Variants in ZMYM5 observed in about 807,000 individuals in gnomAD.
ZMYM5 encodes zinc finger MYM-type protein 5.
In ZMYM5, 41 loss-of-function variants were observed where a neutral mutation model predicts 61.8. The observed-to-expected ratio is 0.66, with a 90% CI of 0.52 to 0.86. ZMYM5 has a LOEUF of 0.86. Ranked by LOEUF, ZMYM5 falls within the 40% of genes least tolerant of loss-of-function variation. The probability of loss-of-function intolerance (pLI) is 0.00; values close to 1 mark genes in which losing one functional copy is unlikely to be tolerated. For missense variants in ZMYM5, 706 were observed against 786.7 expected (o/e 0.90, Z 1.23); for synonymous variants, 257 against 276.4 (o/e 0.93, Z 0.70).
Position 19,837,344 on chromosome 13 carries a change from A to T in ZMYM5, c.1038+312T>A. On this transcript the variant is annotated intron_variant, in intron 6 of 7. Coordinates refer to ENST00000337963, the MANE Select transcript of ZMYM5 (RefSeq NM_001142684.2). ...CCAAGGGGTAGTTTTCCAGCCCTTG[A>T]CCCCCAACTCTTGAGACTACATTTT... The T allele has an allele frequency of 2.6e-6, 3 of 1,173,840 alleles. No homozygotes were observed. The South Asian group carries it at 5.3e-5, about 21-fold the overall frequency. 72.7% of individuals were successfully genotyped at this position (1,173,840 alleles called of 1,614,324 possible).
At chr13:19,860,476 T>A (rs1400650994) in intron 2 of ZMYM5, among the ~76,000 whole-genome samples, 1 of 141,492 alleles carries the variant, frequency 7.1e-6, no homozygotes, top group Admixed American at 6.9e-5. Flanking sequence ...GTGTGTATTT[T>A]TTTTTTTGTA....
intron 7 of ZMYM5, among the ~76,000 whole-genome samples, chr13:19,831,299 A>AT (rs11384397): frequency 0.64 from 97,179 of 151,150 alleles, 34,891 homozygotes; most frequent in East Asian, 0.89. Flanking sequence ...CTAATTTTTA[A>AT]TTTTTTGTAG....
chr13:19,861,361 C>A (rs928167912), intron 2 of ZMYM5, among the ~76,000 whole-genome samples: 5 of 152,056 alleles, frequency 3.3e-5, no homozygotes, highest in Admixed American at 1.3e-4. Context: ...GTTGTCCACA[C>A]TGGAACTCCT....
At chr13:19,834,158 A>G (rs1952605950) in intron 7 of ZMYM5, among the ~76,000 whole-genome samples, 2 of 152,240 alleles carry the variant, frequency 1.3e-5, no homozygotes, top group South Asian at 4.1e-4. Context: ...TTTTGTATTT[A>G]GTAGAGACGG....
At chr13:19,851,643 G>C in intron 3 of ZMYM5, 46 bp downstream of exon 3, 1 of 1,548,744 alleles carries the variant, frequency 6.5e-7, no homozygotes, top group East Asian at 2.2e-5. Context: ...ATGTATTTCA[G>C]AGTCAATTCT....
At chr13:19,839,669 C>A (rs1303458044) in intron 4 of ZMYM5, among the ~76,000 whole-genome samples, 1 of 152,196 alleles carries the variant, frequency 6.6e-6, no homozygotes, top group Non-Finnish European at 1.5e-5. Flanking sequence ...AGCCACCACT[C>A]CCAGCCTAAT....
intron 4 of ZMYM5, among the ~76,000 whole-genome samples, chr13:19,849,211 A>C (rs1310064785): frequency 6.6e-6 from 1 of 152,064 alleles, no homozygotes; most frequent in African/African-American, 2.4e-5. Context: ...TGTGACCCCA[A>C]ACTCCAGGTC....
At chr13:19,850,472 G>A (rs1042712280) in intron 4 of ZMYM5, among the ~76,000 whole-genome samples, 6 of 151,848 alleles carry the variant, frequency 4.0e-5, no homozygotes, top group Non-Finnish European at 7.4e-5. Flanking sequence ...GGAGACGGGC[G>A]TGCTTGTAAT....
intron 7 of ZMYM5, among the ~76,000 whole-genome samples, chr13:19,833,058 T>G (rs997638045): frequency 1.3e-5 from 2 of 152,124 alleles, no homozygotes; most frequent in Non-Finnish European, 2.9e-5. Context: ...ATGTTCATTG[T>G]GTTCTTCTAT....
rs1476048613 is a variant in ZMYM5 at position 19,837,677 on chromosome 13, T to G, written c.1017A>C (p.Thr339=). Residue 339 remains threonine, a synonymous_variant, in exon 6 of 8, where the codon ACA becomes ACC. Transcript: ENST00000337963. ...KKGVFNKSRC[T]ICSKLAEIRH... is the part of the protein sequence containing the mutation. ...AGACCTCTGCTAATTTACTACAAAT[T>G]GTACATCTTGACTTATTAAAAACTC... is the stretch of plus-strand genomic sequence containing the variant. The G allele has an allele frequency of 6.9e-6, 11 of 1,585,296 alleles. No homozygotes were observed. Among genetic ancestry groups the G allele is most frequent in the Non-Finnish European group, 8.5e-6 (10 of 1,172,846 alleles).
rs781205576 is a variant in ZMYM5 at position 19,851,437 on chromosome 13, T to C, written c.504A>G (p.Gly168=). 4 of 1,614,124 alleles carry C rather than the reference T, an allele frequency of 2.5e-6. No individual in the cohort carries two copies. The Admixed American group carries it at 5.0e-5, about 20-fold the overall frequency. The change falls in exon 4 of 8, where the codon GGA becomes GGG. Residue 168 remains glycine (G), a synonymous_variant. Coordinates refer to ENST00000337963, the MANE Select transcript of ZMYM5 (RefSeq NM_001142684.2). ...TTCTACCAGGGTTAAAAGGTCTTAC[T>C]CCAGTCTTGGTCTGTGGAGTTAAAG... ...SSLSRSKTKT[G]VRPFNPGRMN...
At chr13:19,847,078 G>C (rs1032297503) in intron 4 of ZMYM5, among the ~76,000 whole-genome samples, 44 of 152,208 alleles carry the variant, frequency 2.9e-4, no homozygotes, top group African/African-American at 1.1e-3. Context: ...CTCCCCAGTA[G>C]CTAGGACTAC....
chr13:19,844,869 C>T (rs549438577), intron 4 of ZMYM5, among the ~76,000 whole-genome samples: 10 of 152,252 alleles, frequency 6.6e-5, no homozygotes, highest in African/African-American at 2.4e-4. Context: ...GTGATCCACC[C>T]GCTTCGGCCT....
chr13:19,851,225 A>T (rs1031133460), intron 4 of ZMYM5, 130 bp downstream of exon 4: 3 of 848,562 alleles, frequency 3.5e-6, no homozygotes, highest in Non-Finnish European at 5.4e-6. Flanking sequence ...GTCTCCAAAA[A>T]CAAACAAACA....
At position 19,828,327 on chromosome 13, in the gene ZMYM5, A is replaced by G. The variant is rs1489068758; in HGVS notation, c.1252-3092T>C. On this transcript the variant is annotated intron_variant, in intron 7 of 7. Transcript: ENST00000337963. ...TGTTTCTACTAAAAATACAAAAATT[A>G]GCCAGGAGTGGTGGCGCGCACCTGT... 1.3e-5 allele frequency among the ~76,000 whole-genome samples: 2 copies of G among 152,042 alleles called. 1 individual carries two copies. The highest frequency in any genetic ancestry group is 2.9e-5 in the Non-Finnish European group (2 of 68,000).
chr13:19,825,307 A>G, intron 7 of ZMYM5, 72 bp from the exon 8 acceptor site: 3 of 1,140,800 alleles, frequency 2.6e-6, no homozygotes, highest in East Asian at 6.0e-5. Flanking sequence ...CAAATGCTCA[A>G]TAAGCACATG....
chr13:19,835,761 A>G (rs1041645615), intron 6 of ZMYM5, 72 bp from the exon 7 acceptor site: 5 of 1,105,146 alleles, frequency 4.5e-6, no homozygotes, highest in Admixed American at 2.3e-5. Flanking sequence ...TGAGATAACT[A>G]GTTTCTGCAA....
intron 6 of ZMYM5, 78 bp downstream of exon 6, chr13:19,837,574 GATGA>G (rs1411698260): frequency 1.8e-5 from 29 of 1,607,992 alleles, no homozygotes; most frequent in African/African-American, 5.4e-5. Flanking sequence ...GCATTATGTA[GATGA>G]AAGAGTACAT....
Position 19,852,053 on chromosome 13 carries a change from A to G in ZMYM5, c.128T>C (p.Val43Ala). 1 of 1,613,990 alleles carries G rather than the reference A, an allele frequency of 6.2e-7. No homozygotes were observed. Among genetic ancestry groups the G allele is most frequent in the Non-Finnish European group, 8.5e-7 (1 of 1,180,022 alleles). ...DSFGHPACPLVSRSRNSPVED... is the reference protein window; with the variant it reads ...DSFGHPACPLASRSRNSPVED... ...CACTGGTGAGTTCCTAGATCTACTGACTAAAGGACAAGCTGGATGACCAAA... is the reference window on the plus strand; with the variant it reads ...CACTGGTGAGTTCCTAGATCTACTGGCTAAAGGACAAGCTGGATGACCAAA... Residue 43 changes from valine (V) to alanine (A), a missense_variant, in exon 3 of 8, where the codon GTC (valine) becomes GCC (alanine). By Grantham distance (64) the Val-to-Ala change is moderately conservative (BLOSUM62 0). Coordinates refer to ENST00000337963, the MANE Select transcript of ZMYM5 (RefSeq NM_001142684.2).
Sources: allele counts gnomAD v4.1 joint callset (sites outside exome capture counted in the v4.1 genomes callset), GRCh38; gene constraint gnomAD v4.1.1; transcripts MANE v1.5; gene names NCBI Gene and HGNC (gene_info 2026-07-23, HGNC 2026-07-21).